TMX3: variants seen among roughly 807,000 people sequenced by gnomAD.
TMX3 encodes the protein protein disulfide-isomerase TMX3.
TMX3 carries 40 observed loss-of-function variants against 64.4 expected under a neutral mutation model. That is an observed-to-expected ratio of 0.62 (90% CI 0.48 to 0.81). TMX3 has a LOEUF of 0.81. Among genes scored for constraint, TMX3 ranks in the 30% least tolerant of loss-of-function variants. The pLI is 0.00. For missense variants in TMX3, 497 were observed against 534.5 expected (o/e 0.93, Z 0.69); for synonymous variants, 189 against 175.7 (o/e 1.08, Z -0.60).
chr18:68,698,012 G>C lies in TMX3; in HGVS notation c.412C>G (p.Pro138Ala), dbSNP rs780222974. ...ATATGTTCAAACATTTGTTGACTTG[G>C]AAGTGGCCGAATTAGAGCCCTGTTG... is the stretch of plus-strand genomic sequence containing the variant. Reference protein sequence around the residue: ...RVSGALIRPLPSQQMFEHMQK... With the variant: ...RVSGALIRPLASQQMFEHMQK... Residue 138 changes from proline (P) to alanine (A), a missense_variant, in exon 7 of 16, where the codon CCA (proline) becomes GCA (alanine). Around this residue, in one of 3 missense-constraint regions of TMX3, gnomAD observed 360 missense variants for 383.5 expected, o/e 0.94. Transcript: ENST00000299608. 2 of 1,611,140 alleles carry C rather than the reference G, an allele frequency of 1.2e-6. No individual in the cohort carries two copies. Among genetic ancestry groups the C allele is most frequent in the Non-Finnish European group, 1.7e-6 (2 of 1,179,414 alleles).
intron 12 of TMX3, 100 bp downstream of exon 12, chr18:68,684,090 A>G (rs968355885): frequency 4.7e-6 from 4 of 850,470 alleles, no homozygotes; most frequent in Non-Finnish European, 7.6e-6. Context: ...CATTTCTTTG[A>G]TTCACCTCTA....
intron 5 of TMX3, chr18:68,700,834 T>G: frequency 1.0e-5 from 10 of 984,834 alleles, no homozygotes; most frequent in Non-Finnish European, 1.2e-5. Context: ...AAAAGGTAAA[T>G]GAAAGGACAG....
At chr18:68,701,033 A>G in intron 5 of TMX3, 1 of 984,290 alleles carries the variant, frequency 1.0e-6, no homozygotes, top group Non-Finnish European at 1.2e-6. Flanking sequence ...TTAAAAAGGA[A>G]AAATTGGGAA....
chr18:68,686,638 TG>T, intron 10 of TMX3: 1 of 673,476 alleles, frequency 1.5e-6, no homozygotes, highest in Non-Finnish European at 1.8e-6. Context: ...ACCAGGGAGG[TG>T]GAGGTTGCAG....
At chr18:68,714,855 A>G in intron 1 of TMX3, 81 bp downstream of exon 1, 3 of 1,536,242 alleles carry the variant, frequency 2.0e-6, no homozygotes, top group Non-Finnish European at 2.6e-6. Flanking sequence ...GCCTCGCCCC[A>G]GACCCGGGTC....
At chr18:68,714,690 C>A (rs1398532919) in intron 1 of TMX3, among the ~76,000 whole-genome samples, 1 of 152,252 alleles carries the variant, frequency 6.6e-6, no homozygotes, top group Non-Finnish European at 1.5e-5. Flanking sequence ...AACACAAACA[C>A]AAGGCAGCGC....
chr18:68,696,900 ATACG>A (rs1238535205), intron 8 of TMX3: 8 of 240,884 alleles, frequency 3.3e-5, no homozygotes, highest in African/African-American at 1.4e-4. Flanking sequence ...ACACACACAC[ATACG>A]CACGCAAAAT....
chr18:68,700,729 T>C, intron 5 of TMX3: 1 of 983,580 alleles, frequency 1.0e-6, no homozygotes, highest in Non-Finnish European at 1.2e-6. Flanking sequence ...ATTTGATAAC[T>C]GCATTGTATC....
At chr18:68,699,652 A>G (rs1360819000) in intron 6 of TMX3, among the ~76,000 whole-genome samples, 1 of 152,194 alleles carries the variant, frequency 6.6e-6, no homozygotes, top group Admixed American at 6.5e-5. Context: ...CCTATACTTT[A>G]AAGCCAATAA....
intron 9 of TMX3, among the ~76,000 whole-genome samples, chr18:68,690,251 G>A (rs918698782): frequency 6.6e-6 from 1 of 152,024 alleles, no homozygotes; most frequent in Non-Finnish European, 1.5e-5. Context: ...TTCCCTATCT[G>A]GCCTCCAACA....
chr18:68,697,149 TCA>T (rs752527222), intron 8 of TMX3, 75 bp downstream of exon 8: 12 of 770,382 alleles, frequency 1.6e-5, no homozygotes, highest in East Asian at 8.5e-5. Flanking sequence ...AGTAATAAAA[TCA>T]CAATTTAGTT....
chr18:68,693,081 T>C (rs1914678330), intron 8 of TMX3, among the ~76,000 whole-genome samples: 1 of 152,204 alleles, frequency 6.6e-6, no homozygotes, highest in Non-Finnish European at 1.5e-5. Context: ...GAAGTTCAGA[T>C]TCTAGTCCAT....
At position 68,675,652 on chromosome 18, in the gene TMX3, C is replaced by T. The variant is rs908735112; in HGVS notation, c.*1281G>A. On this transcript the variant is annotated 3_prime_UTR_variant, in exon 16 of 16. Transcript: ENST00000299608. ...TTACTCAATGAATAACCACTCAAAT[C>T]ATAGTTGCCTAATATAAATTCTAAA... The T allele has an allele frequency of 6.6e-6, 1 of 152,248 alleles. No homozygotes were observed. Among genetic ancestry groups the T allele is most frequent in the South Asian group, 2.1e-4 (1 of 4,822 alleles). 9.4% of individuals were successfully genotyped at this position (152,248 alleles called of 1,614,324 possible).
intron 1 of TMX3, 66 bp downstream of exon 1, chr18:68,714,870 C>A: frequency 6.5e-7 from 1 of 1,545,430 alleles, no homozygotes; most frequent in Non-Finnish European, 8.7e-7. Context: ...CGGGTCCAAT[C>A]CCGGCCCCAC....
intron 7 of TMX3, 32 bp downstream of exon 7, chr18:68,697,900 A>C (rs375927714): frequency 7.3e-7 from 1 of 1,365,518 alleles, no homozygotes; most frequent in African/African-American, 1.4e-5. Flanking sequence ...ATTACAATAC[A>C]TCTGTTTTTG....
In TMX3 at chr18:68,710,097, C is replaced by G; in HGVS notation, c.189G>C (p.Trp63Cys). The G allele has an allele frequency of 6.2e-7, 1 of 1,602,476 alleles. No individual in the cohort carries two copies. Among genetic ancestry groups the G allele is most frequent in the Non-Finnish European group, 8.5e-7 (1 of 1,174,896 alleles). Residue 63 changes from tryptophan to cysteine, a missense_variant, in exon 4 of 16, where the codon TGG (tryptophan) becomes TGC (cysteine). Around this residue, in one of 3 missense-constraint regions of TMX3, gnomAD observed 360 missense variants for 383.5 expected, o/e 0.94. Transcript: ENST00000299608. ...TTTTCATCTCAAGACCAACTTCATT[C>G]CAAATTGGTTCCAGCTTTTTACAAT... ...CGHCKKLEPI[W>C]NEVGLEMKSI...
intron 4 of TMX3, among the ~76,000 whole-genome samples, chr18:68,703,573 C>G (rs982146430): frequency 2.0e-5 from 3 of 152,156 alleles, no homozygotes; most frequent in Non-Finnish European, 2.9e-5. Context: ...GGCTTCTTGA[C>G]AGTTAACATT....
Position 68,700,413 on chromosome 18 carries a change from T to G in TMX3, c.384A>C (p.Arg128Ser). ...CTTTCCTAATAACTTACCCAGATAC[T>G]CTGTGAGCAAACTCAATAATATCAT... Reference protein sequence around the residue: ...TKDDIIEFAHRVSGALIRPLP... With the variant: ...TKDDIIEFAHSVSGALIRPLP... The change falls in exon 6 of 16, where the codon AGA (arginine) becomes AGC (serine). Residue 128 changes from arginine (R) to serine (S), a missense_variant. Physicochemically the swap from Arg to Ser is moderately radical, Grantham distance 110. Around this residue, in one of 3 missense-constraint regions of TMX3, gnomAD observed 360 missense variants for 383.5 expected, o/e 0.94. Coordinates refer to ENST00000299608, the MANE Select transcript of TMX3 (RefSeq NM_019022.5). The G allele has an allele frequency of 6.3e-7, 1 of 1,575,840 alleles. No homozygotes were observed. Among genetic ancestry groups the G allele is most frequent in the Non-Finnish European group, 8.6e-7 (1 of 1,162,144 alleles).
At chr18:68,679,044 T>C (rs1007834018) in intron 15 of TMX3, among the ~76,000 whole-genome samples, 4 of 152,132 alleles carry the variant, frequency 2.6e-5, no homozygotes, top group Non-Finnish European at 5.9e-5. Flanking sequence ...AAATTTTATT[T>C]TGACTCCTGC....
Sources: allele counts gnomAD v4.1 joint callset (sites outside exome capture counted in the v4.1 genomes callset), GRCh38; gene constraint gnomAD v4.1.1; regional missense constraint gnomAD v4.1.1; transcripts MANE v1.5; gene names NCBI Gene and HGNC (gene_info 2026-07-23, HGNC 2026-07-21).